The following MTTP variants were observed in gnomAD, a reference collection of about 807,000 sequenced individuals.
MTTP encodes the protein microsomal triglyceride transfer protein large subunit.
In MTTP, 49 loss-of-function variants were observed where a neutral mutation model predicts 90.6. That is an observed-to-expected ratio of 0.54 (90% CI 0.43 to 0.69). The LOEUF (loss-of-function observed/expected upper bound fraction) is 0.69, where lower values mean the gene tolerates loss of function less well. Ranked by LOEUF, MTTP falls within the 30% of genes least tolerant of loss-of-function variation. MTTP has a pLI of 0.00. For missense variants in MTTP, 945 were observed against 1,067.5 expected, an observed-to-expected ratio of 0.89 and a Z score of 1.60; for synonymous variants, 347 against 384.2, an observed-to-expected ratio of 0.90 and a Z score of 1.13.
chr4:99,580,574 CAAAAAAAA>C (rs563138284), intron 1 of MTTP, among the ~76,000 whole-genome samples: 78 of 39,894 alleles, frequency 2.0e-3, no homozygotes, highest in Non-Finnish European at 2.9e-3. Context: ...GACTCTGTCT[CAAAAAAAA>C]AAAAAAAAAA....
chr4:99,619,144 T>C, intron 16 of MTTP, 46 bp downstream of exon 16: 1 of 1,535,118 alleles, frequency 6.5e-7, no homozygotes. Flanking sequence ...TATAAGACTA[T>C]ATACAGAGAA....
intron 1 of MTTP, among the ~76,000 whole-genome samples, chr4:99,575,290 G>A (rs1724929728): frequency 6.6e-6 from 1 of 152,176 alleles, no homozygotes; most frequent in African/African-American, 2.4e-5. Context: ...GTTACCTGCT[G>A]TTGTTGGTCA....
chr4:99,603,987 T>C (rs1450406487), intron 10 of MTTP, among the ~76,000 whole-genome samples: 1 of 152,186 alleles, frequency 6.6e-6, no homozygotes, highest in Non-Finnish European at 1.5e-5. Context: ...CATTCAATTT[T>C]GTTAATATTT....
intron 7 of MTTP, 149 bp downstream of exon 7, chr4:99,595,032 C>T: frequency 2.3e-6 from 2 of 859,554 alleles, no homozygotes; most frequent in Non-Finnish European, 3.8e-6. Context: ...TCACAATATG[C>T]ACCTGACATA....
Position 99,606,906 on chromosome 4 carries a change from C to T in MTTP, c.1503C>T (p.Ser501=). Residue 501 remains serine, a synonymous_variant, in exon 11 of 18, where the codon AGC becomes AGT. Coordinates refer to ENST00000265517, the MANE Select transcript of MTTP (RefSeq NM_001386140.1). ...CAGAAGCAGGAGAAGGGCCCATCAGCCACCTGGCTACCACTGCTCTCCAGA... is the reference window on the plus strand; with the variant it reads ...CAGAAGCAGGAGAAGGGCCCATCAGTCACCTGGCTACCACTGCTCTCCAGA... ...KYAEAGEGPI[S]HLATTALQRY... 1 of 1,613,950 alleles carries T rather than the reference C, an allele frequency of 6.2e-7. No individual in the cohort carries two copies. Among genetic ancestry groups the T allele is most frequent in the Non-Finnish European group, 8.5e-7 (1 of 1,179,934 alleles).
At chr4:99,617,628 C>T (rs566190111) in intron 15 of MTTP, among the ~76,000 whole-genome samples, 4 of 152,210 alleles carry the variant, frequency 2.6e-5, no homozygotes, top group African/African-American at 9.6e-5. Flanking sequence ...TTCTCAAAAT[C>T]ATTATCACTT....
chr4:99,564,650 AC>A (rs1724617321), intron 1 of MTTP, among the ~76,000 whole-genome samples: 2 of 152,172 alleles, frequency 1.3e-5, no homozygotes, highest in African/African-American at 4.8e-5. Context: ...ATGAAATACA[AC>A]CCCGTAGATT....
At chr4:99,566,305 A>G (rs1210391224) in intron 1 of MTTP, among the ~76,000 whole-genome samples, 4 of 151,636 alleles carry the variant, frequency 2.6e-5, no homozygotes, top group South Asian at 2.1e-4. Flanking sequence ...AAGAAAAAAA[A>G]AAAAAAAAAG....
rs1276085774 is a variant in MTTP, at chr4:99,622,663, CTGT to C, written c.2514-7_2514-5del. 1 of 1,613,272 alleles carries C rather than the reference CTGT, an allele frequency of 6.2e-7. No individual in the cohort carries two copies. The highest frequency in any genetic ancestry group is 1.1e-5 in the South Asian group (1 of 91,016). The stretch of plus-strand genomic sequence containing the variant: ...TGTGTGTGTAATTCTGTTATTGTTG[CTGT>C]TGTTGTACAGGCAATTTGAGAAAAA... On this transcript the variant is annotated splice_polypyrimidine_tract_variant and intron_variant, in intron 17 of 17. Transcript: ENST00000265517.
At chr4:99,589,899 G>A (rs1725372251) in intron 4 of MTTP, 149 bp downstream of exon 4, 1 of 655,584 alleles carries the variant, frequency 1.5e-6, no homozygotes, top group Non-Finnish European at 2.7e-6. Flanking sequence ...TGAAACAATT[G>A]CCATTTATCC....
intron 15 of MTTP, among the ~76,000 whole-genome samples, chr4:99,615,089 T>A (rs567527530): frequency 6.6e-6 from 1 of 152,340 alleles, no homozygotes; most frequent in South Asian, 2.1e-4. Flanking sequence ...CACCTGTATG[T>A]GCTTAGCTAC....
intron 17 of MTTP, 93 bp downstream of exon 17, chr4:99,621,324 C>A: frequency 6.9e-7 from 1 of 1,458,984 alleles, no homozygotes; most frequent in Non-Finnish European, 9.6e-7. Context: ...AGAATTAAAA[C>A]AAAACAGTAG....
Position 99,611,380 on chromosome 4 carries a change from G to A in MTTP, c.1916G>A (p.Gly639Asp), listed in dbSNP as rs1228127752. 5.0e-6 allele frequency: 8 copies of A among 1,613,880 alleles called. No individual in the cohort carries two copies. In the Admixed American group the frequency reaches 1.2e-4, roughly 24 times the overall value. Residue 639 changes from glycine to aspartate, a missense_variant, in exon 14 of 18, where the codon GGT (glycine) becomes GAT (aspartate). Transcript: ENST00000265517. The part of the protein sequence containing the change: ...STYSLDILYS[G>D]SGILRRSNLN... ...TACAGCCTAGACATTCTCTACTCGGGTTCTGGCATTCTAAGGAGAAGTAAC... is the reference window on the plus strand; with the variant it reads ...TACAGCCTAGACATTCTCTACTCGGATTCTGGCATTCTAAGGAGAAGTAAC...
chr4:99,590,399 TATTTTA>T (rs1725386567), intron 4 of MTTP, among the ~76,000 whole-genome samples: 1 of 152,166 alleles, frequency 6.6e-6, no homozygotes, highest in Non-Finnish European at 1.5e-5. Flanking sequence ...CAAACATCTG[TATTTTA>T]ACAGTCTTTG....
At chr4:99,574,785 C>T (rs1260183602), upstream of MTTP, 3 of 1,595,200 alleles carry the variant, frequency 1.9e-6, no homozygotes, top group African/African-American at 1.3e-5. Context: ...GACCTTTCCC[C>T]AAAGATAAAC....
At chr4:99,594,975 G>A in intron 7 of MTTP, 92 bp downstream of exon 7, 1 of 1,487,602 alleles carries the variant, frequency 6.7e-7, no homozygotes, top group Non-Finnish European at 9.3e-7. Flanking sequence ...AATGAAGACA[G>A]TTTCTAAAGA....
intron 15 of MTTP, among the ~76,000 whole-genome samples, chr4:99,615,056 G>A (rs1374484308): frequency 6.6e-6 from 1 of 152,188 alleles, no homozygotes; most frequent in Non-Finnish European, 1.5e-5. Flanking sequence ...CCACGTTTTA[G>A]GACACAGAGG....
chr4:99,602,603 G>A (rs1158039507), intron 10 of MTTP, among the ~76,000 whole-genome samples: 1 of 152,038 alleles, frequency 6.6e-6, no homozygotes, highest in East Asian at 1.9e-4. Flanking sequence ...TATACATTAA[G>A]TATGAAAAAG....
At chr4:99,617,165 T>A (rs1726116953) in intron 15 of MTTP, among the ~76,000 whole-genome samples, 1 of 152,220 alleles carries the variant, frequency 6.6e-6, no homozygotes, top group African/African-American at 2.4e-5. Context: ...TTCTTCAGGA[T>A]AGTTTGTGTC....
Sources: gnomAD v4.1 joint callset for allele counts (sites outside exome capture counted in the v4.1 genomes callset) on GRCh38, gnomAD v4.1.1 for gene constraint, MANE v1.5 for transcripts, NCBI Gene and HGNC (gene_info 2026-07-23, HGNC 2026-07-21) for gene names.